MBNL3: variants seen among roughly 807,000 people sequenced by gnomAD.
MBNL3 encodes the protein muscleblind like splicing regulator 3, also known as muscleblind-like protein 3.
Under a neutral mutation model 24.5 loss-of-function variants are expected in MBNL3, and 6 were observed. The observed-to-expected ratio is 0.25, with a 90% confidence interval of 0.13 to 0.48. The LOEUF (loss-of-function observed/expected upper bound fraction) is 0.48, where lower values mean the gene tolerates loss of function less well. Ranked by LOEUF, MBNL3 falls within the 20% of genes least tolerant of loss-of-function variation. The probability of loss-of-function intolerance (pLI) is 0.99; values close to 1 mark genes in which losing one functional copy is unlikely to be tolerated. For synonymous variants in MBNL3, 100 were observed against 101.7 expected, an observed-to-expected ratio of 0.98 and a Z score of 0.10; for missense variants, 230 against 293.5, an observed-to-expected ratio of 0.78 and a Z score of 1.58.
At position 132,452,848 on chromosome X, in the gene MBNL3, G is replaced by T. The variant is rs571954194; in HGVS notation, c.-703-12534C>A. ...TAAGAACAACATATATGATATGTCTGCAAACAATGCAGACAATTAAGAACA... is the reference window on the plus strand; with the variant it reads ...TAAGAACAACATATATGATATGTCTTCAAACAATGCAGACAATTAAGAACA... On this transcript the variant is annotated intron_variant, in intron 1 of 8. Transcript: ENST00000370853. Among the ~76,000 whole-genome samples the T allele has an allele frequency of 5.9e-4, 66 of 112,288 alleles. 1 individual carries two copies. The South Asian group carries it at 6.3e-3, about 11-fold the overall frequency.
At chrX:132,416,631 T>C (rs5977700) in intron 2 of MBNL3, among the ~76,000 whole-genome samples, 1,777 of 112,003 alleles carry the variant, frequency 0.016, 38 homozygotes, top group African/African-American at 0.055. Flanking sequence ...TTTGAGGTGA[T>C]AGATATCCCA....
At chrX:132,476,674 A>G (rs1947455878) in intron 1 of MBNL3, among the ~76,000 whole-genome samples, 1 of 112,199 alleles carries the variant, frequency 8.9e-6, no homozygotes, top group African/African-American at 3.2e-5. Context: ...TATTTCCCAG[A>G]CAGCCTGATG....
intron 1 of MBNL3, among the ~76,000 whole-genome samples, chrX:132,453,954 T>C (rs1260271104): frequency 9.0e-6 from 1 of 111,145 alleles, no homozygotes; most frequent in East Asian, 2.8e-4. Flanking sequence ...TATCTGGGCA[T>C]GATGGCACAT....
chrX:132,483,947 A>G (rs1947871692), intron 1 of MBNL3, among the ~76,000 whole-genome samples: 2 of 112,253 alleles, frequency 1.8e-5, no homozygotes, highest in South Asian at 7.5e-4. Flanking sequence ...CCTAAACTAT[A>G]CATGACAGGA....
At chrX:132,403,107 A>G (rs1180656085) in intron 3 of MBNL3, among the ~76,000 whole-genome samples, 1 of 111,854 alleles carries the variant, frequency 8.9e-6, no homozygotes, top group Non-Finnish European at 1.9e-5. Flanking sequence ...GAGGGAGAGT[A>G]GGTACCAGAG....
chrX:132,430,327 A>G (rs767619010), intron 2 of MBNL3: 214 of 111,758 alleles, frequency 1.9e-3, no homozygotes, highest in African/African-American at 6.1e-3. Flanking sequence ...TTACATAACC[A>G]TAACACAATT....
At chrX:132,407,023 G>A (rs1275163451) in intron 2 of MBNL3, among the ~76,000 whole-genome samples, 1 of 111,725 alleles carries the variant, frequency 9.0e-6, no homozygotes, top group Non-Finnish European at 1.9e-5. Context: ...GAGCAAAAGG[G>A]CAACTTTGTT....
At chrX:132,470,673 T>C (rs1268222219) in intron 1 of MBNL3, among the ~76,000 whole-genome samples, 2 of 111,969 alleles carry the variant, frequency 1.8e-5, no homozygotes, top group Non-Finnish European at 3.8e-5. Flanking sequence ...AACAGTCTTA[T>C]TCTGTACAAA....
chrX:132,479,900 C>T (rs1013995484), intron 1 of MBNL3, among the ~76,000 whole-genome samples: 2 of 111,043 alleles, frequency 1.8e-5, no homozygotes, highest in Admixed American at 9.6e-5. Flanking sequence ...GGGTGGGGGG[C>T]GCTGTCACAT....
intron 2 of MBNL3, among the ~76,000 whole-genome samples, chrX:132,437,260 A>G (rs1945162455): frequency 9.0e-6 from 1 of 111,564 alleles, no homozygotes; most frequent in South Asian, 3.8e-4. Flanking sequence ...GGAACTCTAT[A>G]TCAGAGTAAC....
At chrX:132,407,037 G>A (rs1941943592) in intron 2 of MBNL3, among the ~76,000 whole-genome samples, 1 of 111,899 alleles carries the variant, frequency 8.9e-6, no homozygotes, top group Admixed American at 9.5e-5. Flanking sequence ...CTTTGTTTTT[G>A]GACCAAAGAG....
At chrX:132,445,545 G>C (rs1024307249) in intron 1 of MBNL3, among the ~76,000 whole-genome samples, 1 of 110,960 alleles carries the variant, frequency 9.0e-6, no homozygotes, top group African/African-American at 3.3e-5. Context: ...TCCTGGGATA[G>C]TAAATTCCAT....
chrX:132,396,921 T>TACATATATACATATATATTCATATATAC (rs1309224826), intron 3 of MBNL3, among the ~76,000 whole-genome samples: 3 of 66,534 alleles, frequency 4.5e-5, no homozygotes, highest in African/African-American at 2.0e-4. Context: ...TATACATATA[T>TACATATATACATATATATTCATATATAC]ATTCATATAT....
In MBNL3 at chrX:132,378,200, A is replaced by G. The variant is rs183635139; in HGVS notation, c.*1466T>C. On this transcript the variant is annotated 3_prime_UTR_variant, in exon 9 of 9. Coordinates refer to ENST00000370853, the MANE Select transcript of MBNL3 (RefSeq NM_001386889.1). Reference sequence around the variant, plus strand: ...AAGTTTGGGCAGGGGGACACTTGCCATATATCACAGGTGCTTTCTCCTTCA... The same window carrying G: ...AAGTTTGGGCAGGGGGACACTTGCCGTATATCACAGGTGCTTTCTCCTTCA... 1.8e-5 allele frequency: 2 copies of G among 111,822 alleles called. No homozygotes were observed. Among genetic ancestry groups the G allele is most frequent in the East Asian group, 2.8e-4 (1 of 3,541 alleles). The allele number at this position is 111,822 out of a possible 1,213,427, so 9.2% of individuals were successfully genotyped here.
chrX:132,473,420 T>C (rs1172202303), intron 1 of MBNL3, among the ~76,000 whole-genome samples: 1 of 112,189 alleles, frequency 8.9e-6, no homozygotes, highest in Non-Finnish European at 1.9e-5. Flanking sequence ...TTCTCTAGCA[T>C]TGGGGAAATA....
At position 132,371,191 on chromosome X, in the gene MBNL3, T is replaced by G. The variant is rs1276395170; in HGVS notation, c.*8475A>C. ...GGGCACAAGGGGCAAGAGAACTATG[T>G]ATAGGGCAGCTGACACTTGACAAGG... On this transcript the variant is annotated 3_prime_UTR_variant, in exon 9 of 9. Transcript: ENST00000370853. The G allele has an allele frequency of 9.0e-6, 1 of 110,660 alleles. No homozygotes were observed. The highest frequency in any genetic ancestry group is 3.3e-5 in the African/African-American group (1 of 30,405). 9.1% of individuals were successfully genotyped at this position (110,660 alleles called of 1,213,427 possible). A position where few individuals can be genotyped will look rare whatever the true frequency, so the allele number is the denominator to read the frequency against.
chrX:132,486,051 T>G (rs1464963114), intron 1 of MBNL3, among the ~76,000 whole-genome samples: 1 of 111,916 alleles, frequency 8.9e-6, no homozygotes, highest in African/African-American at 3.2e-5. Context: ...TAACTTTAAT[T>G]ACAGGATGAA....
chrX:132,446,199 T>C (rs773802256), intron 1 of MBNL3, among the ~76,000 whole-genome samples: 1 of 112,321 alleles, frequency 8.9e-6, no homozygotes, highest in Non-Finnish European at 1.9e-5. Flanking sequence ...CTATCATTGA[T>C]GAGCATTTGG....
At chrX:132,404,853 T>C (rs1941525601) in intron 3 of MBNL3, among the ~76,000 whole-genome samples, 1 of 112,030 alleles carries the variant, frequency 8.9e-6, no homozygotes, top group Admixed American at 9.5e-5. Context: ...CAACTTTCAA[T>C]ATGTTCATTG....
Sources: gnomAD v4.1 joint callset for allele counts (sites outside exome capture counted in the v4.1 genomes callset) on GRCh38, gnomAD v4.1.1 for gene constraint, MANE v1.5 for transcripts, NCBI Gene and HGNC (gene_info 2026-07-23, HGNC 2026-07-21) for gene names.